Variants in SWT1 observed in about 807,000 individuals in gnomAD.
SWT1 encodes the protein SWT1 RNA endoribonuclease homolog.
A neutral mutation model predicts 107.3 loss-of-function variants in SWT1; 33 were observed. The observed-to-expected ratio is 0.31, with a 90% CI of 0.23 to 0.41. The LOEUF is 0.41. SWT1 is among the 10% of genes least tolerant of loss of function. The probability of loss-of-function intolerance (pLI) is 1.00; values close to 1 mark genes in which losing one functional copy is unlikely to be tolerated. For synonymous variants in SWT1, 345 were observed against 348.3 expected (o/e 0.99, Z 0.11); for missense variants, 898 against 1,028.9 (o/e 0.87, Z 1.74).
chr1:185,227,396 A>G (rs1660149300), intron 15 of SWT1: 8 of 691,028 alleles, frequency 1.2e-5, no homozygotes, highest in South Asian at 9.7e-5. Flanking sequence ...GCAGCAGGCC[A>G]GTACAATATG....
chr1:185,223,595 C>A (rs1454063874), intron 15 of SWT1, among the ~76,000 whole-genome samples: 1 of 152,070 alleles, frequency 6.6e-6, no homozygotes, highest in East Asian at 1.9e-4. Context: ...TTTTATATAC[C>A]TGGTGGCCAT....
At chr1:185,250,103 T>C (rs76143317) in intron 16 of SWT1, among the ~76,000 whole-genome samples, 2,735 of 152,284 alleles carry the variant, frequency 0.018, 69 homozygotes, top group African/African-American at 0.063. Flanking sequence ...CCTTTGAACC[T>C]GTATGGACAA....
intron 16 of SWT1, among the ~76,000 whole-genome samples, chr1:185,243,794 A>G (rs895415965): frequency 6.6e-6 from 1 of 152,190 alleles, no homozygotes; most frequent in African/African-American, 2.4e-5. Context: ...AAATATATGT[A>G]GTTAATGTAT....
At chr1:185,221,050 GACACAC>G (rs59643566) in intron 14 of SWT1, among the ~76,000 whole-genome samples, 57,702 of 149,722 alleles carry the variant, frequency 0.39, 11,421 homozygotes, top group African/African-American at 0.5. Flanking sequence ...CGTGCACACA[GACACAC>G]ACACACACAC....
chr1:185,222,285 GTTC>G (rs1171903056), intron 15 of SWT1, among the ~76,000 whole-genome samples: 1 of 151,994 alleles, frequency 6.6e-6, no homozygotes, highest in Non-Finnish European at 1.5e-5. Flanking sequence ...ACAGAATAAC[GTTC>G]TTTTTTATGG....
chr1:185,272,266 A>T (rs1466454835), intron 17 of SWT1, among the ~76,000 whole-genome samples: 1 of 152,224 alleles, frequency 6.6e-6, no homozygotes, highest in East Asian at 1.9e-4. Flanking sequence ...CCTCATCATT[A>T]CTGAACCGAA....
At chr1:185,256,916 T>C (rs1277983164) in intron 16 of SWT1, among the ~76,000 whole-genome samples, 5 of 152,160 alleles carry the variant, frequency 3.3e-5, no homozygotes, top group Non-Finnish European at 7.3e-5. Flanking sequence ...GTGGTTTTAT[T>C]TACTTTTGGT....
At chr1:185,197,837 T>C (rs1657525942) in intron 10 of SWT1, among the ~76,000 whole-genome samples, 1 of 152,190 alleles carries the variant, frequency 6.6e-6, no homozygotes, top group Non-Finnish European at 1.5e-5. Context: ...CTCTCTTTTC[T>C]TCTTTATTAG....
chr1:185,174,490 C>A lies in SWT1; in HGVS notation c.343C>A (p.Pro115Thr), dbSNP rs754012341. 1.9e-6 allele frequency: 3 copies of A among 1,611,274 alleles called. No individual in the cohort carries two copies. Among genetic ancestry groups the A allele is most frequent in the East Asian group, 2.2e-5 (1 of 44,828 alleles). ...SNDNQIILQS[P>T]SSNGTKKDIH... ...TGATAATCAAATTATTTTGCAGAGTCCTTCTTCAAATGGAACTAAAAAAGA... is the reference window on the plus strand; with the variant it reads ...TGATAATCAAATTATTTTGCAGAGTACTTCTTCAAATGGAACTAAAAAAGA... The change falls in exon 5 of 19, where the codon CCT becomes ACT. Residue 115 changes from proline to threonine, a missense_variant. By Grantham distance (38) the Pro-to-Thr change is conservative (BLOSUM62 -1). This residue lies in a region of SWT1 where 382 missense variants were observed against 362.4 expected (regional missense o/e 1.05). Transcript: ENST00000367500.
intron 16 of SWT1, among the ~76,000 whole-genome samples, chr1:185,232,607 A>G (rs1660582163): frequency 6.6e-6 from 1 of 152,196 alleles, no homozygotes; most frequent in Non-Finnish European, 1.5e-5. Flanking sequence ...GGTTGGCAAA[A>G]GATGAGGCTG....
chr1:185,271,521 C>A, intron 17 of SWT1, 132 bp downstream of exon 17: 1 of 573,400 alleles, frequency 1.7e-6, no homozygotes. Context: ...TATTGAATGC[C>A]ATAAAAGTTT....
At chr1:185,221,722 A>C in intron 14 of SWT1, 127 bp from the exon 15 acceptor site, 1 of 609,916 alleles carries the variant, frequency 1.6e-6, no homozygotes, top group Non-Finnish European at 2.8e-6. Flanking sequence ...TTATGTACAT[A>C]ATAAAAGAAA....
chr1:185,290,588 A>T, intron 18 of SWT1, 86 bp from the exon 19 acceptor site: 1 of 953,778 alleles, frequency 1.0e-6, no homozygotes, highest in African/African-American at 1.7e-5. Context: ...TTTATTTGTC[A>T]ATTAAAATGT....
chr1:185,230,692 C>T (rs1660445753), intron 15 of SWT1, among the ~76,000 whole-genome samples: 1 of 151,822 alleles, frequency 6.6e-6, no homozygotes. Flanking sequence ...TTTTCTATTT[C>T]ATAGGTGGCA....
chr1:185,285,928 C>T (rs757284673), intron 18 of SWT1, among the ~76,000 whole-genome samples: 2 of 152,218 alleles, frequency 1.3e-5, no homozygotes, highest in African/African-American at 2.4e-5. Context: ...TCTGTCTGCT[C>T]ATACCAAACT....
chr1:185,221,718 A>T, intron 14 of SWT1, 131 bp from the exon 15 acceptor site: 1 of 596,930 alleles, frequency 1.7e-6, no homozygotes, highest in Non-Finnish European at 2.8e-6. Flanking sequence ...AATATTATGT[A>T]CATAATAAAA....
intron 18 of SWT1, among the ~76,000 whole-genome samples, chr1:185,287,203 G>A (rs1431354759): frequency 6.6e-6 from 1 of 152,124 alleles, no homozygotes; most frequent in Non-Finnish European, 1.5e-5. Context: ...AATTGGTTAT[G>A]CGAAAGGAAT....
chr1:185,210,695 C>T (rs1050264759), intron 13 of SWT1, among the ~76,000 whole-genome samples: 6 of 152,008 alleles, frequency 3.9e-5, no homozygotes, highest in African/African-American at 9.7e-5. Context: ...AGTTCTGGCC[C>T]GGGCACTCAG....
At chr1:185,249,086 T>TATCTCCAGACACTTAGAGGCTGG (rs894879297) in intron 16 of SWT1, among the ~76,000 whole-genome samples, 63 of 152,274 alleles carry the variant, frequency 4.1e-4, no homozygotes, top group African/African-American at 1.5e-3. Context: ...CTCCAGACAC[T>TATCTCCAGACACTTAGAGGCTGG]ATCTCCAGAC....
Sources: gnomAD v4.1 joint callset for allele counts (sites outside exome capture counted in the v4.1 genomes callset) on GRCh38, gnomAD v4.1.1 for gene constraint, gnomAD v4.1.1 regional missense constraint, MANE v1.5 for transcripts, NCBI Gene and HGNC (gene_info 2026-07-23, HGNC 2026-07-21) for gene names.